Variants in THNSL1 observed in about 807,000 individuals in gnomAD.
THNSL1 encodes the protein threonine synthase like 1.
THNSL1 carries 48 observed loss-of-function variants against 50.4 expected under a neutral mutation model. The ratio of observed to expected loss-of-function variants is 0.95; its 90% confidence interval spans 0.76 to 1.21. The LOEUF (loss-of-function observed/expected upper bound fraction) is 1.21, where lower values mean the gene tolerates loss of function less well. Among genes scored for constraint, THNSL1 ranks in the 50% most tolerant of loss-of-function variants. THNSL1 has a pLI of 0.00. For missense variants in THNSL1, 896 were observed against 871.7 expected, an observed-to-expected ratio of 1.03 and a Z score of -0.35; for synonymous variants, 309 against 306.1, an observed-to-expected ratio of 1.01 and a Z score of -0.10.
chr10:24,997,304 C>T, the THNSL1 span, among the ~76,000 whole-genome samples: 1 of 151,996 alleles, frequency 6.6e-6, no homozygotes, highest in African/African-American at 2.4e-5. Flanking sequence ...TGTTGGACTC[C>T]TAGTTCTCCA....
At chr10:24,952,472 G>A in the THNSL1 span, 2 of 1,522,298 alleles carry the variant, frequency 1.3e-6, no homozygotes, top group Admixed American at 2.0e-5. The surrounding 1 kb of genome is among the most constrained non-coding windows in gnomAD (Gnocchi z 5.1). Context: ...CTACAAGCAG[G>A]GTGCCAGGGA....
At chr10:25,007,249 T>TA in the THNSL1 span, among the ~76,000 whole-genome samples, 2 of 152,166 alleles carry the variant, frequency 1.3e-5, no homozygotes, top group East Asian at 1.9e-4. Flanking sequence ...CCGAATAATC[T>TA]AAAAAATGAG....
the THNSL1 span, among the ~76,000 whole-genome samples, chr10:24,978,976 C>A: frequency 2.0e-5 from 3 of 152,194 alleles, no homozygotes; most frequent in Non-Finnish European, 4.4e-5. Context: ...TAAACCATAG[C>A]ACATTTCAGC....
chr10:24,980,014 CTT>C, the THNSL1 span, among the ~76,000 whole-genome samples: 2 of 152,332 alleles, frequency 1.3e-5, no homozygotes, highest in East Asian at 3.9e-4. Flanking sequence ...AACAGCTACT[CTT>C]TGTCTGCACT....
chr10:24,967,470 GCTC>G, the THNSL1 span, among the ~76,000 whole-genome samples: 1 of 152,152 alleles, frequency 6.6e-6, no homozygotes, highest in Non-Finnish European at 1.5e-5. Flanking sequence ...GGGAATTTTA[GCTC>G]TTCTCTTTCT....
chr10:25,016,872 C>G (rs888787878), intron 1 of THNSL1, 180 bp downstream of exon 1: 2 of 152,698 alleles, frequency 1.3e-5, no homozygotes, highest in African/African-American at 4.8e-5. Context: ...GTCCCTTCCC[C>G]TTTCCGCTAC....
At chr10:24,975,818 A>C in the THNSL1 span, among the ~76,000 whole-genome samples, 1 of 152,236 alleles carries the variant, frequency 6.6e-6, no homozygotes, top group East Asian at 1.9e-4. Flanking sequence ...GAACTAATAC[A>C]GATGTCTACT....
At chr10:24,995,594 A>G in the THNSL1 span, 2 of 1,442,896 alleles carry the variant, frequency 1.4e-6, no homozygotes, top group Non-Finnish European at 1.9e-6. Flanking sequence ...CATGAACACC[A>G]TATTTAAATT....
At chr10:24,995,738 T>C in the THNSL1 span, 1 of 1,614,106 alleles carries the variant, frequency 6.2e-7, no homozygotes, top group African/African-American at 1.3e-5. Context: ...TTAGGCTTTT[T>C]AGCCACTCCC....
At chr10:24,990,576 G>A in the THNSL1 span, 18 of 1,612,550 alleles carry the variant, frequency 1.1e-5, no homozygotes, top group East Asian at 2.2e-5. Flanking sequence ...TCCTCGTTTC[G>A]CTTACATATG....
chr10:24,965,839 A>G, the THNSL1 span, among the ~76,000 whole-genome samples: 1 of 152,234 alleles, frequency 6.6e-6, no homozygotes, highest in African/African-American at 2.4e-5. Context: ...TTATATGAGA[A>G]TACATCAAAT....
the THNSL1 span, among the ~76,000 whole-genome samples, chr10:24,989,136 A>G: frequency 6.6e-6 from 1 of 152,226 alleles, no homozygotes; most frequent in Admixed American, 6.5e-5. Context: ...AGGTGTAAAA[A>G]CCTGGCTTTC....
At chr10:25,015,706 C>T (rs1850552624), upstream of THNSL1, among the ~76,000 whole-genome samples, 1 of 152,184 alleles carries the variant, frequency 6.6e-6, no homozygotes. Context: ...CTAGATATTT[C>T]GACCTTTTCT....
At chr10:24,970,104 A>G in the THNSL1 span, among the ~76,000 whole-genome samples, 1 of 152,256 alleles carries the variant, frequency 6.6e-6, no homozygotes, top group Non-Finnish European at 1.5e-5. Flanking sequence ...TCACGTGAAG[A>G]GGAGGAAAAA....
the THNSL1 span, among the ~76,000 whole-genome samples, chr10:24,972,215 A>G: frequency 6.9e-6 from 1 of 144,682 alleles, no homozygotes; most frequent in African/African-American, 2.6e-5. Context: ...GCTTTACAAA[A>G]GATTACACTA....
At chr10:24,994,439 T>C in the THNSL1 span, among the ~76,000 whole-genome samples, 4 of 151,720 alleles carry the variant, frequency 2.6e-5, no homozygotes, top group East Asian at 5.9e-4. Flanking sequence ...GATCAAGCGA[T>C]TCTCGTGCCT....
chr10:24,995,555 G>T, the THNSL1 span: 1 of 1,119,814 alleles, frequency 8.9e-7, no homozygotes, highest in Non-Finnish European at 1.3e-6. Flanking sequence ...TCCAATGAGA[G>T]CACTAATAAT....
At chr10:24,999,551 A>G in the THNSL1 span, 1 of 1,596,680 alleles carries the variant, frequency 6.3e-7, no homozygotes, top group African/African-American at 1.4e-5. Context: ...ATGTACCTAA[A>G]ATTGAATTTT....
At chr10:24,957,565 C>T in the THNSL1 span, among the ~76,000 whole-genome samples, 1 of 152,156 alleles carries the variant, frequency 6.6e-6, no homozygotes, top group Non-Finnish European at 1.5e-5. Flanking sequence ...ACTGCAACCT[C>T]CGCATCTCAG....
Sources: allele counts gnomAD v4.1 joint callset (sites outside exome capture counted in the v4.1 genomes callset), GRCh38; gene constraint gnomAD v4.1.1; non-coding constraint Gnocchi (gnomAD v3.1); transcripts MANE v1.5; gene names NCBI Gene and HGNC (gene_info 2026-07-23, HGNC 2026-07-21).